The following SERPINI2 variants were observed in gnomAD, a reference collection of about 807,000 sequenced individuals.
The protein encoded by SERPINI2 is serpin family I member 2.
In SERPINI2, 48 loss-of-function variants were observed where a neutral mutation model predicts 47.3. The ratio of observed to expected loss-of-function variants is 1.02; its 90% CI spans 0.81 to 1.29. The LOEUF is 1.29. SERPINI2 is among the 50% of genes most tolerant of loss of function. The pLI, the probability that SERPINI2 is intolerant of heterozygous loss-of-function variation, is 0.00. For synonymous variants in SERPINI2, 135 were observed against 149.3 expected, an observed-to-expected ratio of 0.90 and a Z score of 0.70; for missense variants, 448 against 456.9, an observed-to-expected ratio of 0.98 and a Z score of 0.18.
intron 2 of SERPINI2, 140 bp downstream of exon 2, chr3:167,471,448 C>A: frequency 2.6e-6 from 2 of 770,226 alleles, no homozygotes; most frequent in South Asian, 7.4e-5. Context: ...ATTACATTTA[C>A]AATTCTCCAT....
At chr3:167,447,574 A>T (rs895885699) in intron 7 of SERPINI2, among the ~76,000 whole-genome samples, 1 of 152,212 alleles carries the variant, frequency 6.6e-6, no homozygotes, top group Non-Finnish European at 1.5e-5. Flanking sequence ...GGGCAATAAC[A>T]TAAAGAGCTC....
exon 3 of SERPINI2, chr3:167,467,186 CCTT>C: frequency 4.3e-6 from 7 of 1,613,378 alleles, no homozygotes; most frequent in Non-Finnish European, 5.9e-6. Flanking sequence ...CACAGTGAAT[CCTT>C]CTTGAAGGTA....
At chr3:167,446,086 T>C (rs1296318598) in intron 8 of SERPINI2, among the ~76,000 whole-genome samples, 1 of 152,194 alleles carries the variant, frequency 6.6e-6, no homozygotes, top group Non-Finnish European at 1.5e-5. Context: ...AGACAAACCA[T>C]ACAATCTTTC....
chr3:167,454,799 G>T (rs573907478), intron 5 of SERPINI2, among the ~76,000 whole-genome samples: 1 of 152,176 alleles, frequency 6.6e-6, no homozygotes, highest in South Asian at 2.1e-4. Flanking sequence ...TTGGAGCCAT[G>T]AATAGCCAGG....
At chr3:167,465,525 T>A in exon 4 of SERPINI2, 1 of 1,612,132 alleles carries the variant, frequency 6.2e-7, no homozygotes, top group Non-Finnish European at 8.5e-7. Flanking sequence ...TTTTGACAGT[T>A]GAACCATTTT....
chr3:167,444,552 A>G (rs1311508547), intron 8 of SERPINI2, among the ~76,000 whole-genome samples: 1 of 152,136 alleles, frequency 6.6e-6, no homozygotes, highest in East Asian at 1.9e-4. Flanking sequence ...ATTAATCTCA[A>G]TGATTTCTTG....
In SERPINI2 at chr3:167,449,493, T is replaced by C. The variant is rs887406704; in HGVS notation, c.965-91A>G. On this transcript the variant is annotated intron_variant, in intron 6 of 8. Coordinates refer to ENST00000264677, the Ensembl canonical transcript of SERPINI2. The stretch of plus-strand genomic sequence containing the variant: ...TCTCAATTAATTACATTTATTTATT[T>C]ATTTATTTATTTATTTTTTGAGATG... 9.0e-5 allele frequency: 52 copies of C among 576,568 alleles called. 2 individuals are homozygous for C. Among genetic ancestry groups the C allele is most frequent in the Non-Finnish European group, 1.4e-4 (51 of 368,798 alleles). 35.7% of individuals were successfully genotyped at this position (576,568 alleles called of 1,614,324 possible).
chr3:167,450,151 A>C (rs1279279016), intron 6 of SERPINI2, among the ~76,000 whole-genome samples: 1 of 152,234 alleles, frequency 6.6e-6, no homozygotes, highest in Non-Finnish European at 1.5e-5. Context: ...TTAAAATAAA[A>C]TGTACTTGCC....
At chr3:167,449,069 G>A (rs534499973) in intron 7 of SERPINI2, among the ~76,000 whole-genome samples, 21 of 152,222 alleles carry the variant, frequency 1.4e-4, no homozygotes, top group Admixed American at 5.2e-4. Flanking sequence ...AATCCAATTC[G>A]CAAGTAAGCA....
exon 5 of SERPINI2, chr3:167,465,306 C>T (rs368946875): frequency 2.5e-6 from 4 of 1,612,938 alleles, no homozygotes; most frequent in African/African-American, 1.3e-5. Context: ...ATATCCATAC[C>T]TTCTGCAGGA....
At chr3:167,469,539 A>C (rs147899159) in intron 2 of SERPINI2, 1 of 152,312 alleles carries the variant, frequency 6.6e-6, no homozygotes, top group East Asian at 1.9e-4. Flanking sequence ...ATTTAGTTGC[A>C]GAACTGGGAC....
chr3:167,456,150 C>CTG (rs68048909), intron 5 of SERPINI2, among the ~76,000 whole-genome samples: 20,036 of 144,368 alleles, frequency 0.14, 1,501 homozygotes, highest in Middle Eastern at 0.24. Flanking sequence ...TCAATTACCT[C>CTG]TGTGTGTGTG....
At position 167,465,690 on chromosome 3, in the gene SERPINI2, G is replaced by C. The variant is rs1261645088; in HGVS notation, c.479-17C>G. 1 of 1,593,970 alleles carries C rather than the reference G, an allele frequency of 6.3e-7. No individual in the cohort carries two copies. Among genetic ancestry groups the C allele is most frequent in the Non-Finnish European group, 8.5e-7 (1 of 1,172,944 alleles). ...TAATTTTTCCTAGGAAGTGGGTGGAGGAGGAGGTAAGAAGAAATGTGCAAT... is the reference window on the plus strand; with the variant it reads ...TAATTTTTCCTAGGAAGTGGGTGGACGAGGAGGTAAGAAGAAATGTGCAAT... On this transcript the variant is annotated splice_polypyrimidine_tract_variant and intron_variant, in intron 3 of 8. Transcript: ENST00000264677.
chr3:167,444,090 T>C (rs952244736), intron 8 of SERPINI2, among the ~76,000 whole-genome samples: 8 of 152,158 alleles, frequency 5.3e-5, no homozygotes, highest in African/African-American at 1.7e-4. Context: ...AATCTGCTTC[T>C]CCCCTCAACA....
Position 167,461,602 on chromosome 3 carries a change from C to T in SERPINI2, c.866+3604G>A, listed in dbSNP as rs553481601. Among the ~76,000 whole-genome samples the T allele has an allele frequency of 1.7e-4, 25 of 149,774 alleles. No homozygotes were observed. In the South Asian group the frequency reaches 5.3e-3, roughly 32 times the overall value. The stretch of plus-strand genomic sequence containing the variant: ...AAAACATTGTTTTCACTGAAGTCTC[C>T]TGCTATAGATGCTTTTTTTTTTTTT... On this transcript the variant is annotated intron_variant, in intron 5 of 8. Transcript: ENST00000264677.
At chr3:167,448,280 G>A (rs987704545) in intron 7 of SERPINI2, among the ~76,000 whole-genome samples, 19 of 152,214 alleles carry the variant, frequency 1.2e-4, no homozygotes, top group Non-Finnish European at 4.4e-5. Flanking sequence ...GATTCAGTCG[G>A]TCTAGGGTTT....
At chr3:167,448,836 G>A (rs983529483) in intron 7 of SERPINI2, among the ~76,000 whole-genome samples, 80 of 152,314 alleles carry the variant, frequency 5.3e-4, no homozygotes, top group Non-Finnish European at 2.1e-4. Context: ...GGGCATAGGA[G>A]TTTTTAAAGC....
chr3:167,442,874 G>A (rs1184834324), intron 8 of SERPINI2, among the ~76,000 whole-genome samples: 1 of 152,130 alleles, frequency 6.6e-6, no homozygotes, highest in Non-Finnish European at 1.5e-5. Flanking sequence ...ATCAATCAGT[G>A]TCAAATGTTG....
chr3:167,458,409 C>T (rs1344491059), intron 5 of SERPINI2, among the ~76,000 whole-genome samples: 1 of 148,924 alleles, frequency 6.7e-6, no homozygotes, highest in African/African-American at 2.5e-5. Flanking sequence ...TGCCACCACG[C>T]CTGGCTAATT....
Sources: gnomAD v4.1 joint callset for allele counts (sites outside exome capture counted in the v4.1 genomes callset) on GRCh38, gnomAD v4.1.1 for gene constraint, MANE v1.5 for transcripts, NCBI Gene and HGNC (gene_info 2026-07-23, HGNC 2026-07-21) for gene names.